The following NR5A2 variants were observed in gnomAD, a reference collection of about 807,000 sequenced individuals.
The protein encoded by NR5A2 is CYP7A promoter-binding factor.
Under a neutral mutation model 62.7 loss-of-function variants are expected in NR5A2, and 26 were observed. That is an observed-to-expected ratio of 0.41 (90% CI 0.30 to 0.58). The LOEUF (loss-of-function observed/expected upper bound fraction) is 0.58. Ranked by LOEUF, NR5A2 falls within the 20% of genes least tolerant of loss-of-function variation. NR5A2 has a pLI of 0.22. For synonymous variants in NR5A2, 246 were observed against 241.7 expected (o/e 1.02, Z -0.16); for missense variants, 541 against 669.1 (o/e 0.81, Z 2.11).
At chr1:200,044,670 A>G (rs1227481662) in intron 3 of NR5A2, 1 of 152,078 alleles carries the variant, frequency 6.6e-6, no homozygotes, top group African/African-American at 2.4e-5. Flanking sequence ...AAATCCCTCC[A>G]TTCTCTATAA....
chr1:200,119,381 A>T (rs1666380206), intron 6 of NR5A2, among the ~76,000 whole-genome samples: 1 of 152,240 alleles, frequency 6.6e-6, no homozygotes, highest in South Asian at 2.1e-4. Context: ...TGAGTGGCAG[A>T]TGAGGACTTG....
At chr1:200,057,580 G>A (rs1424074747) in intron 5 of NR5A2, 1 of 346,246 alleles carries the variant, frequency 2.9e-6, no homozygotes, top group African/African-American at 2.2e-5. Flanking sequence ...CTGCATTCAA[G>A]TGATTCGCCT....
At chr1:200,124,836 G>A (rs60157286) in intron 7 of NR5A2, among the ~76,000 whole-genome samples, 6,297 of 152,236 alleles carry the variant, frequency 0.041, 339 homozygotes, top group East Asian at 0.25. Context: ...GGAGGATGAG[G>A]TGGGAGGATC....
chr1:200,104,234 G>A (rs931104417), intron 5 of NR5A2, among the ~76,000 whole-genome samples: 1 of 152,174 alleles, frequency 6.6e-6, no homozygotes, highest in African/African-American at 2.4e-5. Context: ...ATTGAGTATT[G>A]CAACAATTGA....
chr1:200,072,360 G>C (rs1663775612), intron 5 of NR5A2, among the ~76,000 whole-genome samples: 1 of 152,050 alleles, frequency 6.6e-6, no homozygotes, highest in African/African-American at 2.4e-5. Context: ...AATTCATGGT[G>C]GGTTGGCTAT....
rs1430862736 is a variant in NR5A2, at chr1:200,039,116, C to G, written c.65-542C>G. Among the ~76,000 whole-genome samples the G allele has an allele frequency of 6.6e-6, 1 of 152,098 alleles. No individual in the cohort carries two copies. Among genetic ancestry groups the G allele is most frequent in the Non-Finnish European group, 1.5e-5 (1 of 68,006 alleles). On this transcript the variant is annotated intron_variant, in intron 1 of 7. Transcript: ENST00000367362. This position sits in a 1 kb window ranked among gnomAD's most constrained non-coding sequence, Gnocchi z 5.1. ...GGAGAGGGAGGTTGGAACTTCACAA[C>G]TCCACACTTGCGATAGTGAGCAAGA...
intron 2 of NR5A2, among the ~76,000 whole-genome samples, chr1:200,040,093 A>G (rs1162013066): frequency 6.6e-6 from 1 of 152,244 alleles, no homozygotes; most frequent in African/African-American, 2.4e-5. Flanking sequence ...ACTTTAGAAT[A>G]ATAAGATCAT....
intron 7 of NR5A2, among the ~76,000 whole-genome samples, chr1:200,123,744 T>A (rs56318649): frequency 0.41 from 59,157 of 145,884 alleles, 12,200 homozygotes; most frequent in Admixed American, 0.44. Flanking sequence ...TTATTTTACT[T>A]ATTTAATTTT....
At chr1:200,093,009 G>C (rs1571460304) in intron 5 of NR5A2, among the ~76,000 whole-genome samples, 1 of 149,854 alleles carries the variant, frequency 6.7e-6, no homozygotes, top group East Asian at 2.0e-4. Context: ...TCAGCCTCCT[G>C]AGTAGCTGGG....
chr1:200,078,647 A>G lies in NR5A2; in HGVS notation c.1110+29829A>G, dbSNP rs141480097. On this transcript the variant is annotated intron_variant, in intron 5 of 7. Coordinates refer to ENST00000367362, the MANE Select transcript of NR5A2 (RefSeq NM_205860.3). ...TTTTTAGCCATTTATGGGTCATTCTACATTTTCTTAAGTTCTAATATGATC... is the reference window on the plus strand; with the variant it reads ...TTTTTAGCCATTTATGGGTCATTCTGCATTTTCTTAAGTTCTAATATGATC... Among the ~76,000 whole-genome samples, 140 of 152,324 alleles carry G rather than the reference A, an allele frequency of 9.2e-4. No individual in the cohort carries two copies. The Middle Eastern group carries it at 0.024, about 26-fold the overall frequency.
At chr1:200,139,950 C>G (rs1667376599) in intron 7 of NR5A2, among the ~76,000 whole-genome samples, 7 of 152,200 alleles carry the variant, frequency 4.6e-5, no homozygotes, top group Admixed American at 3.9e-4. Context: ...ATTTTGTCAT[C>G]TCGATTGTAA....
rs1230726634 is a variant in NR5A2, at chr1:200,048,436, C to T, written c.728C>T (p.Ser243Phe). Reference protein sequence around the residue: ...TDYDRSPFVTSPISMTMPPHG... With the variant: ...TDYDRSPFVTFPISMTMPPHG... ...TATGACAGAAGTCCCTTTGTAACAT[C>T]CCCCATTAGCATGACAATGCCCCCT... The change falls in exon 5 of 8, where the codon TCC (serine) becomes TTC (phenylalanine). Residue 243 changes from serine to phenylalanine, a missense_variant. Physicochemically the swap from Ser to Phe is radical, Grantham distance 155. Coordinates refer to ENST00000367362, the MANE Select transcript of NR5A2 (RefSeq NM_205860.3). The surrounding 1 kb of genome is among the most constrained non-coding windows in gnomAD (Gnocchi z 4.8). 2 of 1,614,218 alleles carry T rather than the reference C, an allele frequency of 1.2e-6. No homozygotes were observed. Among genetic ancestry groups the T allele is most frequent in the Non-Finnish European group, 1.7e-6 (2 of 1,180,038 alleles).
intron 5 of NR5A2, among the ~76,000 whole-genome samples, chr1:200,056,642 C>T (rs1371698818): frequency 6.6e-6 from 1 of 152,168 alleles, no homozygotes; most frequent in African/African-American, 2.4e-5. Flanking sequence ...CTTATGGTTT[C>T]AGCGTAGTTG....
intron 7 of NR5A2, among the ~76,000 whole-genome samples, chr1:200,122,029 A>T (rs1359477848): frequency 6.6e-6 from 1 of 152,242 alleles, no homozygotes; most frequent in East Asian, 1.9e-4. Flanking sequence ...AACATTTAAA[A>T]TAAAAAGAGC....
At chr1:200,086,676 T>C (rs1042425006) in intron 5 of NR5A2, among the ~76,000 whole-genome samples, 1 of 152,202 alleles carries the variant, frequency 6.6e-6, no homozygotes, top group African/African-American at 2.4e-5. Context: ...GTGATAGAAG[T>C]TCCCTAAGGA....
chr1:200,126,563 A>G (rs1666709369), intron 7 of NR5A2, among the ~76,000 whole-genome samples: 1 of 152,344 alleles, frequency 6.6e-6, no homozygotes, highest in Admixed American at 6.5e-5. Flanking sequence ...AAAAAATGCA[A>G]GCACAAAATT....
chr1:200,058,794 T>C (rs1269320718), intron 5 of NR5A2, among the ~76,000 whole-genome samples: 2 of 144,744 alleles, frequency 1.4e-5, no homozygotes, highest in African/African-American at 5.5e-5. Flanking sequence ...TTGTTTTTTG[T>C]TTTTGTTTTT....
At position 200,039,753 on chromosome 1, in the gene NR5A2, C is replaced by G. The variant is rs117334803; in HGVS notation, c.160C>G (p.Arg54Gly). The change falls in exon 2 of 8, where the codon CGA (arginine) becomes GGA (glycine). Residue 54 changes from arginine to glycine, a missense_variant. Physicochemically the swap from Arg to Gly is moderately radical, Grantham distance 125. Coordinates refer to ENST00000367362, the MANE Select transcript of NR5A2 (RefSeq NM_205860.3). The surrounding 1 kb of genome is among the most constrained non-coding windows in gnomAD (Gnocchi z 5.1). Reference protein sequence around the residue: ...KVETEALGLARSHGEQGQMPE... With the variant: ...KVETEALGLAGSHGEQGQMPE... ...GGAGACGGAAGCCCTGGGACTGGCTCGATCGCATGGGGAACAGGGCCAGAT... is the reference window on the plus strand; with the variant it reads ...GGAGACGGAAGCCCTGGGACTGGCTGGATCGCATGGGGAACAGGGCCAGAT... 5 of 1,610,460 alleles carry G rather than the reference C, an allele frequency of 3.1e-6. No individual in the cohort carries two copies. The South Asian group carries it at 5.5e-5, about 18-fold the overall frequency.
chr1:200,172,602 G>A (rs1654231768), intron 7 of NR5A2, among the ~76,000 whole-genome samples: 1 of 152,186 alleles, frequency 6.6e-6, no homozygotes, highest in Admixed American at 6.5e-5. Flanking sequence ...GGATGGAAAG[G>A]GGAAGCATGT....
Sources: gnomAD v4.1 joint callset for allele counts (sites outside exome capture counted in the v4.1 genomes callset) on GRCh38, gnomAD v4.1.1 for gene constraint, Gnocchi (gnomAD v3.1) non-coding constraint, MANE v1.5 for transcripts, NCBI Gene and HGNC (gene_info 2026-07-23, HGNC 2026-07-21) for gene names.